The following TRIOBP variants were observed in gnomAD, a reference collection of about 807,000 sequenced individuals.
The protein encoded by TRIOBP is TRIO and F-actin binding protein.
In TRIOBP, 169 loss-of-function variants were observed where a neutral mutation model predicts 238.8. That is an observed-to-expected ratio of 0.71 (90% CI 0.62 to 0.80). The LOEUF is 0.80. Ranked by LOEUF, TRIOBP falls within the 30% of genes least tolerant of loss-of-function variation. TRIOBP has a pLI of 0.00. For missense variants in TRIOBP, 2,838 were observed against 3,122.6 expected, an observed-to-expected ratio of 0.91 and a Z score of 2.17; for synonymous variants, 1,150 against 1,274.4, an observed-to-expected ratio of 0.90 and a Z score of 2.08.
intron 4 of TRIOBP, among the ~76,000 whole-genome samples, chr22:37,711,840 T>C (rs1923265537): frequency 6.6e-6 from 1 of 152,008 alleles, no homozygotes; most frequent in South Asian, 2.1e-4. Flanking sequence ...TGTAGGCCAG[T>C]CTGTGGGTCA....
intron 3 of TRIOBP, 57 bp downstream of exon 3, chr22:37,701,536 C>T (rs1922644863): frequency 7.7e-7 from 1 of 1,304,416 alleles, no homozygotes; most frequent in Middle Eastern, 1.8e-4. Context: ...GGGTGAAGGA[C>T]TGGGCCTGTG....
intron 7 of TRIOBP, among the ~76,000 whole-genome samples, chr22:37,729,858 G>A (rs1924340249): frequency 6.6e-6 from 1 of 152,150 alleles, no homozygotes; most frequent in Admixed American, 6.5e-5. Flanking sequence ...TTTTAAAACT[G>A]TGCAGTGTGT....
chr22:37,723,099 A>T, intron 6 of TRIOBP, 86 bp from the exon 7 acceptor site: 1 of 1,417,064 alleles, frequency 7.1e-7, no homozygotes, highest in Non-Finnish European at 9.8e-7. Flanking sequence ...TGCCCTAATC[A>T]CTGGTCCTAA....
In TRIOBP at chr22:37,730,152, A is replaced by G. The variant is rs551230853; in HGVS notation, c.3948-3146A>G. On this transcript the variant is annotated intron_variant, in intron 7 of 23. Coordinates refer to ENST00000644935, the MANE Select transcript of TRIOBP (RefSeq NM_001039141.3). ...GCCTTCACTGGATTTGCTAGACTTG[A>G]TGGCTTTGCTCCTTTAATTCTCTCT... Among the ~76,000 whole-genome samples, 11 of 152,204 alleles carry G rather than the reference A, an allele frequency of 7.2e-5. No individual in the cohort carries two copies. In the East Asian group the frequency reaches 1.9e-3, roughly 27 times the overall value.
At chr22:37,772,016 T>G in intron 22 of TRIOBP, 1 of 490,302 alleles carries the variant, frequency 2.0e-6, no homozygotes, top group South Asian at 1.9e-5. Context: ...CTGGGCACTG[T>G]GCTAGGTGCT....
chr22:37,768,970 T>TC, intron 19 of TRIOBP, 58 bp from the exon 20 acceptor site: 1 of 1,611,364 alleles, frequency 6.2e-7, no homozygotes, highest in South Asian at 1.1e-5. Context: ...CTGACTGGAC[T>TC]CCAGGCTTGG....
At chr22:37,710,296 A>C in intron 3 of TRIOBP, 131 bp from the exon 4 acceptor site, 1 of 1,376,508 alleles carries the variant, frequency 7.3e-7, no homozygotes, top group South Asian at 1.2e-5. Flanking sequence ...CCTGATGGGC[A>C]GCTCCTTGAG....
In TRIOBP at chr22:37,719,437, C is replaced by T. The variant is rs1601627558; in HGVS notation, c.628+3503C>T. ...CTGTGCTGTGTGGGATTTGCGAGCC[C>T]TGAGGAAGAGGTTTTGAGGCTTCAG... On this transcript the variant is annotated intron_variant, in intron 6 of 23. Transcript: ENST00000644935. Among the ~76,000 whole-genome samples the T allele has an allele frequency of 2.6e-5, 4 of 151,970 alleles. No individual in the cohort carries two copies. The Middle Eastern group carries it at 0.014, about 517-fold the overall frequency.
In TRIOBP at chr22:37,746,788, C is replaced by T. The variant is rs183814735; in HGVS notation, c.5323-4984C>T. ...ACGAAGACCCGATTCCCCAAGGCGG[C>T]CAGGGGCCCCAGGGAGGAGCGGAGG... On this transcript the variant is annotated intron_variant, in intron 11 of 23. Transcript: ENST00000644935. Among the ~76,000 whole-genome samples the T allele has an allele frequency of 4.0e-3, 612 of 152,366 alleles. 6 individuals are homozygous for T. Among genetic ancestry groups the T allele is most frequent in the African/African-American group, 0.014 (594 of 41,586 alleles).
intron 3 of TRIOBP, among the ~76,000 whole-genome samples, chr22:37,701,830 TAAG>T (rs1200980356): frequency 6.6e-6 from 1 of 152,162 alleles, no homozygotes; most frequent in Non-Finnish European, 1.5e-5. Flanking sequence ...AAGAAGAGGT[TAAG>T]AAGAAAGGTA....
chr22:37,729,988 G>A (rs530853305), intron 7 of TRIOBP, among the ~76,000 whole-genome samples: 2 of 152,254 alleles, frequency 1.3e-5, no homozygotes, highest in East Asian at 3.9e-4. Context: ...ATTGTCCCGA[G>A]TCTGGAAAAT....
At chr22:37,732,849 C>T (rs147113088) in intron 7 of TRIOBP, among the ~76,000 whole-genome samples, 101 of 152,356 alleles carry the variant, frequency 6.6e-4, no homozygotes, top group Middle Eastern at 6.8e-3. Context: ...TCAATAAATG[C>T]TTTGTCATAA....
At position 37,724,417 on chromosome 22, in the gene TRIOBP, C is replaced by T. The variant is rs747160833; in HGVS notation, c.1861C>T (p.Arg621Ter). The part of the protein sequence containing the change: ...SRTSSPNRAT[R>*]DNPRTSCAQR... ...AACCTCCTCTCCCAATAGAGCCACA[C>T]GAGATAACCCCAGAACATCCTGTGC... Residue 621 changes from arginine to a stop codon, truncating the protein, a stop_gained, in exon 7 of 24, where the codon CGA becomes TGA. Coordinates refer to ENST00000644935, the MANE Select transcript of TRIOBP (RefSeq NM_001039141.3). LOFTEE classifies it high-confidence loss of function. 4.8e-5 allele frequency: 73 copies of T among 1,509,246 alleles called. No homozygotes were observed. Among genetic ancestry groups the T allele is most frequent in the Middle Eastern group, 1.7e-4 (1 of 5,716 alleles). The allele number at this position is 1,509,246 out of a possible 1,614,324, so 93.5% of individuals were successfully genotyped here.
intron 11 of TRIOBP, among the ~76,000 whole-genome samples, chr22:37,743,920 TC>T (rs1335979850): frequency 6.7e-6 from 1 of 148,810 alleles, no homozygotes; most frequent in Non-Finnish European, 1.5e-5. Flanking sequence ...AGAGAAGTGT[TC>T]CAGGCACAGC....
rs1207548120 is a variant in TRIOBP at position 37,715,809 on chromosome 22, A to C, written c.503A>C (p.Asp168Ala). 6.2e-7 allele frequency: 1 copy of C among 1,613,916 alleles called. No individual in the cohort carries two copies. Among genetic ancestry groups the C allele is most frequent in the Non-Finnish European group, 8.5e-7 (1 of 1,179,962 alleles). The change falls in exon 6 of 24, where the codon GAC becomes GCC. Residue 168 changes from aspartate (D) to alanine (A), a missense_variant. Physicochemically the swap from Asp to Ala is moderately radical, Grantham distance 126 (BLOSUM62 -2). Transcript: ENST00000644935. ...CAGGAGGAGGAGGCCCCCAGCTGGG[A>C]CGAGCTCGCAGTGATGATCCCGAGG... ...ERQEEEAPSW[D>A]ELAVMIPRRP...
intron 12 of TRIOBP, among the ~76,000 whole-genome samples, chr22:37,752,535 A>G (rs1302787313): frequency 1.3e-5 from 2 of 152,160 alleles, no homozygotes; most frequent in South Asian, 2.1e-4. Flanking sequence ...CCTGCCCTGC[A>G]TGCGCCTGCT....
intron 16 of TRIOBP, among the ~76,000 whole-genome samples, 191 bp from the exon 17 acceptor site, chr22:37,758,963 A>G (rs1486108495): frequency 2.6e-5 from 4 of 152,156 alleles, no homozygotes; most frequent in African/African-American, 9.7e-5. Flanking sequence ...TCCAGGAAAC[A>G]GCCCAGCGTG....
In TRIOBP at chr22:37,727,175, C is replaced by T. The variant is rs1189625691; in HGVS notation, c.3947+672C>T. ...CCACCCGCCTCGGCCTCGCAAAGTG[C>T]TAGGATTACAGGAGTGAGCCACCGT... On this transcript the variant is annotated intron_variant, in intron 7 of 23. Coordinates refer to ENST00000644935, the MANE Select transcript of TRIOBP (RefSeq NM_001039141.3). Among the ~76,000 whole-genome samples the T allele has an allele frequency of 3.3e-5, 5 of 151,108 alleles. No individual in the cohort carries two copies. In the South Asian group the frequency reaches 6.3e-4, roughly 19 times the overall value.
chr22:37,726,543 G>A, intron 7 of TRIOBP, 40 bp downstream of exon 7: 14 of 1,432,766 alleles, frequency 9.8e-6, no homozygotes, highest in Non-Finnish European at 1.2e-5. Flanking sequence ...GGCTGGGGAG[G>A]AGGCTCGGCA....
Sources: allele counts gnomAD v4.1 joint callset (sites outside exome capture counted in the v4.1 genomes callset), GRCh38; gene constraint gnomAD v4.1.1; transcripts MANE v1.5; gene names NCBI Gene and HGNC (gene_info 2026-07-23, HGNC 2026-07-21).